CACNA1E: variants seen among roughly 807,000 people sequenced by gnomAD.
The protein encoded by CACNA1E is calcium voltage-gated channel subunit alpha1 E, also known as voltage-dependent R-type calcium channel subunit alpha-1E.
In CACNA1E, 40 loss-of-function variants were observed where a neutral mutation model predicts 259.2. The ratio of observed to expected loss-of-function variants is 0.15; its 90% CI spans 0.12 to 0.20. The LOEUF (loss-of-function observed/expected upper bound fraction) is 0.20. CACNA1E is among the 10% of genes least tolerant of loss of function. The probability of loss-of-function intolerance (pLI) is 1.00; values close to 1 mark genes in which losing one functional copy is unlikely to be tolerated. For synonymous variants in CACNA1E, 1,104 were observed against 1,138.5 expected, an observed-to-expected ratio of 0.97 and a Z score of 0.61; for missense variants, 1,874 against 3,040.1, an observed-to-expected ratio of 0.62 and a Z score of 9.02.
intron 1 of CACNA1E, among the ~76,000 whole-genome samples, chr1:181,388,314 C>T (rs1337142075): frequency 6.6e-6 from 1 of 152,182 alleles, no homozygotes; most frequent in Non-Finnish European, 1.5e-5. Context: ...GCCATTGCTT[C>T]TAGACAAAGA....
chr1:181,532,452 A>G (rs1667854203), intron 3 of CACNA1E, among the ~76,000 whole-genome samples: 2 of 152,216 alleles, frequency 1.3e-5, no homozygotes, highest in African/African-American at 2.4e-5. Flanking sequence ...ACCTCATTAC[A>G]AAGGTCAAGC....
intron 1 of CACNA1E, among the ~76,000 whole-genome samples, chr1:181,497,808 A>G (rs924580909): frequency 6.6e-6 from 1 of 152,198 alleles, no homozygotes; most frequent in Non-Finnish European, 1.5e-5. Context: ...ATCACTGGGT[A>G]TGAGGCTAAC....
chr1:181,327,137 G>A (rs1228988537), intron 1 of CACNA1E, among the ~76,000 whole-genome samples: 1 of 152,176 alleles, frequency 6.6e-6, no homozygotes, highest in Non-Finnish European at 1.5e-5. Flanking sequence ...TGTCTCCAAT[G>A]CTTTGCCCTT....
intron 3 of CACNA1E, among the ~76,000 whole-genome samples, chr1:181,528,684 C>T (rs1489286317): frequency 6.6e-6 from 1 of 152,104 alleles, no homozygotes; most frequent in African/African-American, 2.4e-5. Flanking sequence ...GCAGAGGTGG[C>T]TCTTGTTATG....
intron 27 of CACNA1E, among the ~76,000 whole-genome samples, chr1:181,754,908 C>T (rs965092831): frequency 1.3e-5 from 2 of 152,264 alleles, no homozygotes; most frequent in East Asian, 1.9e-4. Context: ...CTATACACTT[C>T]TATGCTTCAC....
chr1:181,733,400 G>A (rs767416343), intron 20 of CACNA1E, 37 bp from the exon 21 acceptor site: 44 of 1,471,584 alleles, frequency 3.0e-5, no homozygotes, highest in South Asian at 1.8e-4. Flanking sequence ...TGGGGACAGC[G>A]TCTGAGCACC....
intron 6 of CACNA1E, 89 bp downstream of exon 6, chr1:181,580,865 C>A: frequency 8.7e-7 from 1 of 1,153,640 alleles, no homozygotes; most frequent in Non-Finnish European, 1.3e-6. Flanking sequence ...AGTCCGGGGA[C>A]AGGGAGGGCT....
At chr1:181,379,956 C>A (rs562736717) in intron 1 of CACNA1E, among the ~76,000 whole-genome samples, 1 of 146,374 alleles carries the variant, frequency 6.8e-6, no homozygotes, top group South Asian at 2.1e-4. Flanking sequence ...GGAAGGTAGA[C>A]TGTCATAAGA....
At chr1:181,582,622 G>C (rs914098222) in intron 6 of CACNA1E, among the ~76,000 whole-genome samples, 2 of 152,188 alleles carry the variant, frequency 1.3e-5, no homozygotes, top group Non-Finnish European at 2.9e-5. Flanking sequence ...CACAGCTGAA[G>C]AACCACTCAT....
chr1:181,674,909 C>T (rs1410367025), intron 7 of CACNA1E, among the ~76,000 whole-genome samples: 1 of 152,208 alleles, frequency 6.6e-6, no homozygotes, highest in Non-Finnish European at 1.5e-5. Context: ...GGCTTATGTT[C>T]AGTGTGGAAG....
chr1:181,478,658 G>T (rs1286106877), upstream of CACNA1E, among the ~76,000 whole-genome samples: 2 of 152,366 alleles, frequency 1.3e-5, no homozygotes, highest in East Asian at 3.9e-4. Context: ...GGAAGATGAA[G>T]GAGCAGGCCT....
chr1:181,393,342 A>G (rs376297054), intron 1 of CACNA1E, among the ~76,000 whole-genome samples: 1 of 152,266 alleles, frequency 6.6e-6, no homozygotes, highest in Non-Finnish European at 1.5e-5. Context: ...AAAGGATTCA[A>G]GAATGTCTAG....
At chr1:181,366,118 A>G (rs1214064011) in intron 1 of CACNA1E, among the ~76,000 whole-genome samples, 1 of 151,788 alleles carries the variant, frequency 6.6e-6, no homozygotes, top group Non-Finnish European at 1.5e-5. Flanking sequence ...AGAGAACAGG[A>G]CTCCCCTTGG....
At chr1:181,586,483 G>A (rs1236341025) in intron 6 of CACNA1E, among the ~76,000 whole-genome samples, 1 of 152,122 alleles carries the variant, frequency 6.6e-6, no homozygotes. Flanking sequence ...AGAGGAAAAC[G>A]GTTATCAGCA....
rs1661867014 is a variant in CACNA1E, at chr1:181,796,980, C to T, written c.6399+122C>T. 4.5e-6 allele frequency: 3 copies of T among 668,574 alleles called. No individual in the cohort carries two copies. In the Admixed American group the frequency reaches 8.8e-5, roughly 20 times the overall value. The allele number at this position is 668,574 out of a possible 1,614,324, so 41.4% of individuals were successfully genotyped here. ...AGTACCCACAAAGACTGGAATTTCA[C>T]AGGAAGCTATACCTATAGTGCATAG... On this transcript the variant is annotated intron_variant, in intron 47 of 47. Transcript: ENST00000367573.
At chr1:181,376,514 G>C (rs1170061014) in intron 1 of CACNA1E, among the ~76,000 whole-genome samples, 1 of 152,182 alleles carries the variant, frequency 6.6e-6, no homozygotes, top group African/African-American at 2.4e-5. Flanking sequence ...GAGGCATAGA[G>C]GACCTCATGC....
rs888231291 is a variant in CACNA1E at position 181,785,373 on chromosome 1, T to C, written c.5634T>C (p.Tyr1878=). 3.1e-6 allele frequency: 5 copies of C among 1,613,518 alleles called. No homozygotes were observed. The African/African-American group carries it at 5.3e-5, about 17-fold the overall frequency. ...IYAAMMIMDY[Y]KQSKVKKQRQ... is the part of the protein sequence containing the mutation. ...CAGCAATGATGATCATGGACTACTA[T>C]AAGCAGAGTAAGGTGAAGAAGCAGA... The change falls in exon 42 of 48, where the codon TAT becomes TAC. Residue 1878 remains tyrosine (Y), a synonymous_variant. Coordinates refer to ENST00000367573, the MANE Select transcript of CACNA1E (RefSeq NM_001205293.3).
Position 181,762,666 on chromosome 1 carries a change from CT to C in CACNA1E, c.4689+11del. 1 of 1,522,130 alleles carries C rather than the reference CT, an allele frequency of 6.6e-7. No individual in the cohort carries two copies. Among genetic ancestry groups the C allele is most frequent in the Non-Finnish European group, 9.1e-7 (1 of 1,099,210 alleles). 94.3% of individuals were successfully genotyped at this position (1,522,130 alleles called of 1,614,324 possible). A position where few individuals can be genotyped will look rare whatever the true frequency, so the allele number is the denominator to read the frequency against. The stretch of plus-strand genomic sequence containing the variant: ...TCCTGACAGACAGCAAGGTGAATGG[CT>C]TATAAGATCCATGTCTGTAAGCTTG... On this transcript the variant is annotated intron_variant, in intron 33 of 47. Transcript: ENST00000367573.
At chr1:181,446,958 C>T (rs907366225) in intron 2 of CACNA1E, among the ~76,000 whole-genome samples, 3 of 151,994 alleles carry the variant, frequency 2.0e-5, no homozygotes, top group African/African-American at 4.8e-5. Flanking sequence ...TCTTAATTCC[C>T]GAAGAATCTG....
Sources: allele counts gnomAD v4.1 joint callset (sites outside exome capture counted in the v4.1 genomes callset), GRCh38; gene constraint gnomAD v4.1.1; transcripts MANE v1.5; gene names NCBI Gene and HGNC (gene_info 2026-07-23, HGNC 2026-07-21).